The following TMEM101 variants were observed in gnomAD, a reference collection of about 807,000 sequenced individuals.
The protein encoded by TMEM101 is transmembrane protein 101, also known as putative NF-kappa-B-activating protein 130.
TMEM101 carries 14 observed loss-of-function variants against 26.0 expected under a neutral mutation model. The observed-to-expected ratio is 0.54, with a 90% CI of 0.36 to 0.84. TMEM101 has a LOEUF of 0.84. Ranked by LOEUF, TMEM101 falls within the 40% of genes least tolerant of loss-of-function variation. The pLI, the probability that TMEM101 is intolerant of heterozygous loss-of-function variation, is 0.01. For missense variants in TMEM101, 292 were observed against 345.1 expected, an observed-to-expected ratio of 0.85 and a Z score of 1.22; for synonymous variants, 152 against 145.1, an observed-to-expected ratio of 1.05 and a Z score of -0.34.
upstream of TMEM101, chr17:44,019,339 G>T: frequency 2.3e-6 from 1 of 436,150 alleles, no homozygotes; most frequent in South Asian, 1.6e-5. Context: ...TTCACCACCA[G>T]ACTAGGAAAC....
chr17:44,021,737 A>G (rs1163241619), intron 1 of TMEM101, among the ~76,000 whole-genome samples: 2 of 152,186 alleles, frequency 1.3e-5, no homozygotes, highest in Non-Finnish European at 2.9e-5. Context: ...TTTTGGGAGA[A>G]CTCATGACCC....
At chr17:44,012,815 A>G in intron 3 of TMEM101, 194 bp downstream of exon 3, 1 of 486,620 alleles carries the variant, frequency 2.1e-6, no homozygotes, top group Non-Finnish European at 3.5e-6. Context: ...ACACTGTTGG[A>G]GGAAGGGCCT....
At chr17:44,019,429 AC>A, upstream of TMEM101, 1 of 263,672 alleles carries the variant, frequency 3.8e-6, no homozygotes, top group Non-Finnish European at 7.5e-6. Flanking sequence ...ACAATCTAGG[AC>A]CCTAGCTCTT....
intron 3 of TMEM101, 48 bp downstream of exon 3, chr17:44,012,961 C>G (rs2049179457): frequency 6.7e-7 from 1 of 1,497,322 alleles, no homozygotes; most frequent in South Asian, 1.3e-5. Flanking sequence ...CCTAGACTCA[C>G]AGTTCACTCC....
intron 2 of TMEM101, 130 bp downstream of exon 2, chr17:44,014,227 G>T (rs2049196754): frequency 9.3e-7 from 1 of 1,074,164 alleles, no homozygotes; most frequent in Non-Finnish European, 1.3e-6. Flanking sequence ...TAAGCCAAGG[G>T]GTTCGAACCT....
upstream of TMEM101, among the ~76,000 whole-genome samples, chr17:44,015,357 C>T (rs1362980161): frequency 6.6e-6 from 1 of 151,686 alleles, no homozygotes. Context: ...ATAATTACAC[C>T]TACCTCAGAG....
At chr17:44,013,837 C>T (rs1306637786) in intron 2 of TMEM101, among the ~76,000 whole-genome samples, 5 of 152,178 alleles carry the variant, frequency 3.3e-5, no homozygotes, top group African/African-American at 1.2e-4. Flanking sequence ...TGCCCTGTAG[C>T]TGTTCACACA....
chr17:44,014,763 T>A, intron 1 of TMEM101, 53 bp downstream of exon 1: 4 of 1,522,316 alleles, frequency 2.6e-6, no homozygotes, highest in Non-Finnish European at 3.5e-6. Context: ...CCCCAATTTC[T>A]TGCCCACATC....
At position 44,012,003 on chromosome 17, in the gene TMEM101, G is replaced by T. The variant is rs1295486324; in HGVS notation, c.699C>A (p.Phe233Leu). The T allele has an allele frequency of 6.2e-7, 1 of 1,614,154 alleles. No individual in the cohort carries two copies. The highest frequency in any genetic ancestry group is 1.7e-5 in the Admixed American group (1 of 60,022). Residue 233 changes from phenylalanine (F) to leucine (L), a missense_variant, in exon 4 of 4, where the codon TTC (phenylalanine) becomes TTA (leucine). Physicochemically the swap from Phe to Leu is conservative, Grantham distance 22. This residue lies in a region of TMEM101 where 149 missense variants were observed against 211.9 expected (regional missense o/e 0.70). Transcript: ENST00000206380. ...CTCCAAGGAGCTTCATCTGGTTCCAGAACTCAACACGCCGCGTGTTGTGCC... is the reference window on the plus strand; with the variant it reads ...CTCCAAGGAGCTTCATCTGGTTCCATAACTCAACACGCCGCGTGTTGTGCC... Reference protein sequence around the residue: ...AYWHNTRRVEFWNQMKLLGES... With the variant: ...AYWHNTRRVELWNQMKLLGES...
chr17:44,017,143 ACT>A (rs796656836), upstream of TMEM101, among the ~76,000 whole-genome samples: 107 of 95,442 alleles, frequency 1.1e-3, 2 homozygotes, highest in African/African-American at 3.6e-3. Flanking sequence ...AGATTGAGAG[ACT>A]CTGTCTCAAA....
Position 44,014,537 on chromosome 17 carries a change from C to A in TMEM101, c.138G>T (p.Arg46=). The A allele has an allele frequency of 6.4e-7, 1 of 1,568,084 alleles. No homozygotes were observed. The highest frequency in any genetic ancestry group is 1.2e-5 in the South Asian group (1 of 86,668). ...GGTAAGGCACTGGGATGTCGGGCTT[C>A]CTGCGAGCCGGGAGTGGGGAAGCAA... ...MLYAERAEAR[R]KPDIPVPYLY... is the part of the protein sequence containing the mutation. The change falls in exon 2 of 4, where the codon CGG becomes CGT. Residue 46 remains arginine, a splice_region_variant and synonymous_variant. Coordinates refer to ENST00000206380, the MANE Select transcript of TMEM101 (RefSeq NM_032376.4).
At chr17:44,012,679 G>T in intron 3 of TMEM101, 1 of 413,104 alleles carries the variant, frequency 2.4e-6, no homozygotes, top group Non-Finnish European at 4.3e-6. Flanking sequence ...GCTGGGGCCT[G>T]ACCCCCACCA....
chr17:44,012,346 C>A, intron 3 of TMEM101, 110 bp from the exon 4 acceptor site: 1 of 1,054,338 alleles, frequency 9.5e-7, no homozygotes, highest in East Asian at 2.6e-5. Flanking sequence ...GGGCTTCTGA[C>A]TCCCCTCTTG....
chr17:44,013,227 A>ACGGCG, intron 2 of TMEM101, 72 bp from the exon 3 acceptor site: 1 of 1,388,642 alleles, frequency 7.2e-7, no homozygotes, highest in Non-Finnish European at 9.4e-7. Flanking sequence ...CAGAGTGTAG[A>ACGGCG]ACCACCCCTC....
Position 44,012,063 on chromosome 17 carries a change from A to G in TMEM101, c.639T>C (p.Pro213=), listed in dbSNP as rs201655817. The G allele has an allele frequency of 3.6e-5, 58 of 1,614,122 alleles. 1 individual carries two copies. The South Asian group carries it at 3.6e-4, about 10-fold the overall frequency. The part of the protein sequence containing the change: ...AAQILAVLLP[P]VMLLIDGNVA... ...CATTGCCATCAATGAGCAGCATGAC[A>G]GGGGGCAGCAGTACAGCCAGGATCT... The change falls in exon 4 of 4, where the codon CCT becomes CCC. Residue 213 remains proline (P), a synonymous_variant. Coordinates refer to ENST00000206380, the MANE Select transcript of TMEM101 (RefSeq NM_032376.4).
intron 2 of TMEM101, chr17:44,021,275 T>C (rs1267610103): frequency 6.6e-6 from 1 of 152,184 alleles, no homozygotes; most frequent in East Asian, 1.9e-4. Context: ...TTGTATAAAA[T>C]GACCTTTAAC....
chr17:44,013,875 T>A (rs2144012838), intron 2 of TMEM101, among the ~76,000 whole-genome samples: 1 of 152,294 alleles, frequency 6.6e-6, no homozygotes, highest in East Asian at 1.9e-4. Flanking sequence ...TCTGACAGTC[T>A]CTTCCTCAAG....
chr17:44,015,143 G>T, upstream of TMEM101: 2 of 638,412 alleles, frequency 3.1e-6, no homozygotes, highest in Non-Finnish European at 5.1e-6. Flanking sequence ...AGCCTTCAGG[G>T]CCATATTTGT....
At chr17:44,022,608 A>G (rs566763530) in intron 1 of TMEM101, among the ~76,000 whole-genome samples, 70 of 152,270 alleles carry the variant, frequency 4.6e-4, no homozygotes, top group African/African-American at 1.6e-3. Flanking sequence ...CCCTTTACCA[A>G]CTGGGATTCC....
Sources: allele counts gnomAD v4.1 joint callset (sites outside exome capture counted in the v4.1 genomes callset), GRCh38; gene constraint gnomAD v4.1.1; regional missense constraint gnomAD v4.1.1; transcripts MANE v1.5; gene names NCBI Gene and HGNC (gene_info 2026-07-23, HGNC 2026-07-21).